CHN2: variants seen among roughly 807,000 people sequenced by gnomAD.
CHN2 encodes the protein beta-chimaerin.
A neutral mutation model predicts 56.3 loss-of-function variants in CHN2; 35 were observed. The ratio of observed to expected loss-of-function variants is 0.62; its 90% CI spans 0.47 to 0.82. The LOEUF is 0.82. CHN2 is among the 40% of genes least tolerant of loss of function. The probability of loss-of-function intolerance (pLI) is 0.00; values close to 1 mark genes in which losing one functional copy is unlikely to be tolerated. For synonymous variants in CHN2, 210 were observed against 212.8 expected, an observed-to-expected ratio of 0.99 and a Z score of 0.12; for missense variants, 491 against 580.5, an observed-to-expected ratio of 0.85 and a Z score of 1.58.
intron 6 of CHN2, among the ~76,000 whole-genome samples, chr7:29,436,063 G>A (rs1783200500): frequency 6.6e-6 from 1 of 152,142 alleles, no homozygotes; most frequent in Non-Finnish European, 1.5e-5. Context: ...AAACACAAAT[G>A]CAGCATGCAT....
chr7:29,422,255 A>C (rs1327842467), intron 6 of CHN2, among the ~76,000 whole-genome samples: 1 of 152,154 alleles, frequency 6.6e-6, no homozygotes, highest in Admixed American at 6.5e-5. Context: ...TGGGCGTGGA[A>C]CCTCTTTCAG....
At chr7:29,287,697 G>A (rs555694310) in intron 1 of CHN2, among the ~76,000 whole-genome samples, 92 of 152,268 alleles carry the variant, frequency 6.0e-4, no homozygotes, top group Admixed American at 1.0e-3. Context: ...CGTTTGGGTT[G>A]TGTTTGTTGT....
intron 9 of CHN2, among the ~76,000 whole-genome samples, chr7:29,500,551 T>C (rs1056909426): frequency 6.6e-6 from 1 of 152,120 alleles, no homozygotes; most frequent in African/African-American, 2.4e-5. Flanking sequence ...AAATTCATAC[T>C]TTAGAGTGGG....
chr7:29,284,480 C>G (rs1243833187), intron 1 of CHN2, among the ~76,000 whole-genome samples: 1 of 152,204 alleles, frequency 6.6e-6, no homozygotes, highest in Non-Finnish European at 1.5e-5. Flanking sequence ...CCTGAAGAAC[C>G]AAACAGCCTG....
At chr7:29,384,605 G>A (rs1048089562) in intron 3 of CHN2, among the ~76,000 whole-genome samples, 2 of 152,166 alleles carry the variant, frequency 1.3e-5, no homozygotes. Flanking sequence ...CTCAATGCAC[G>A]AGTCATGGGT....
At chr7:29,408,545 C>T (rs1204947142) in intron 6 of CHN2, among the ~76,000 whole-genome samples, 1 of 152,216 alleles carries the variant, frequency 6.6e-6, no homozygotes, top group Non-Finnish European at 1.5e-5. Flanking sequence ...ACACAGTTAA[C>T]TCTGGTGGCT....
At chr7:29,322,480 CTCCTCT>C (rs1458160479) in intron 1 of CHN2, among the ~76,000 whole-genome samples, 1 of 152,210 alleles carries the variant, frequency 6.6e-6, no homozygotes, top group Admixed American at 6.5e-5. Context: ...CTTTCTCCTC[CTCCTCT>C]TCCTACTCCT....
At chr7:29,429,090 A>G (rs774668379) in intron 6 of CHN2, among the ~76,000 whole-genome samples, 1 of 152,208 alleles carries the variant, frequency 6.6e-6, no homozygotes, top group Non-Finnish European at 1.5e-5. Context: ...CCGCCTCCCA[A>G]TCTTTACAGT....
At chr7:29,231,610 G>GA (rs983631493) in intron 1 of CHN2, among the ~76,000 whole-genome samples, 2 of 151,834 alleles carry the variant, frequency 1.3e-5, no homozygotes, top group Non-Finnish European at 2.9e-5. Context: ...GTGGAAATAT[G>GA]AAAAAAAAGT....
At chr7:29,467,976 T>G (rs368910041) in intron 6 of CHN2, among the ~76,000 whole-genome samples, 1 of 152,160 alleles carries the variant, frequency 6.6e-6, no homozygotes. Context: ...GTGTGCTGCT[T>G]CTTCACAAAA....
intron 6 of CHN2, among the ~76,000 whole-genome samples, chr7:29,418,133 G>A (rs952169322): frequency 7.9e-5 from 12 of 152,238 alleles, no homozygotes; most frequent in East Asian, 1.9e-4. Context: ...GAGCCTCCAC[G>A]TCGGACAGAC....
chr7:29,341,225 A>G (rs922932654), intron 1 of CHN2, among the ~76,000 whole-genome samples: 1 of 148,482 alleles, frequency 6.7e-6, no homozygotes, highest in South Asian at 2.1e-4. Flanking sequence ...TCACGTGTGG[A>G]GGTACAGTCG....
chr7:29,203,665 C>T (rs1334979845), intron 1 of CHN2, among the ~76,000 whole-genome samples: 3 of 152,252 alleles, frequency 2.0e-5, no homozygotes, highest in Admixed American at 6.5e-5. Flanking sequence ...ACCTTGATCG[C>T]AGAATCTGCC....
chr7:29,465,734 G>A (rs1013309675), intron 6 of CHN2, among the ~76,000 whole-genome samples: 4 of 152,120 alleles, frequency 2.6e-5, no homozygotes, highest in Non-Finnish European at 4.4e-5. Context: ...AATTGCACAT[G>A]GCCAATTACA....
chr7:29,442,637 T>C (rs536817375), intron 6 of CHN2, among the ~76,000 whole-genome samples: 2 of 152,186 alleles, frequency 1.3e-5, no homozygotes, highest in Non-Finnish European at 2.9e-5. Flanking sequence ...CAGCCTGACC[T>C]GGTGGATTTC....
intron 6 of CHN2, among the ~76,000 whole-genome samples, chr7:29,431,938 C>G (rs1782885590): frequency 6.6e-6 from 1 of 152,160 alleles, no homozygotes; most frequent in Non-Finnish European, 1.5e-5. Context: ...CAGACAGGGC[C>G]CTCTCATCTC....
intron 6 of CHN2, chr7:29,401,128 T>C (rs894947955): frequency 3.2e-6 from 1 of 308,370 alleles, no homozygotes; most frequent in Non-Finnish European, 6.1e-6. Context: ...ATCAGCCGGG[T>C]GTGGTGGTGG....
chr7:29,392,367 G>A (rs1801434125), intron 3 of CHN2, among the ~76,000 whole-genome samples: 3 of 152,186 alleles, frequency 2.0e-5, no homozygotes, highest in African/African-American at 7.2e-5. Context: ...AAGGATATCA[G>A]ATAACCAGGT....
At chr7:29,509,475 C>A in intron 12 of CHN2, 69 bp downstream of exon 12, 1 of 1,193,412 alleles carries the variant, frequency 8.4e-7, no homozygotes, top group East Asian at 2.4e-5. Flanking sequence ...GAAAAGTGGA[C>A]GGCATTCCTC....
Sources: allele counts gnomAD v4.1 joint callset (sites outside exome capture counted in the v4.1 genomes callset), GRCh38; gene constraint gnomAD v4.1.1; transcripts MANE v1.5; gene names NCBI Gene and HGNC (gene_info 2026-07-23, HGNC 2026-07-21).